PCDH15: variants seen among roughly 807,000 people sequenced by gnomAD.
PCDH15 encodes protocadherin-15.
Under a neutral mutation model 178.5 loss-of-function variants are expected in PCDH15, and 129 were observed. The observed-to-expected ratio is 0.72, with a 90% CI of 0.63 to 0.84. The LOEUF (loss-of-function observed/expected upper bound fraction) is 0.84, where lower values mean the gene tolerates loss of function less well. Among genes scored for constraint, PCDH15 ranks in the 40% least tolerant of loss-of-function variants. The pLI is 0.00. For synonymous variants in PCDH15, 800 were observed against 732.0 expected (o/e 1.09, Z -1.50); for missense variants, 2,230 against 2,099.9 (o/e 1.06, Z -1.21).
chr10:54,962,587 C>G (rs1564668124), intron 2 of PCDH15, among the ~76,000 whole-genome samples: 2 of 152,196 alleles, frequency 1.3e-5, no homozygotes, highest in African/African-American at 2.4e-5. Context: ...CATCTAGACA[C>G]AGCTGACAAC....
intron 8 of PCDH15, 51 bp from the exon 9 acceptor site, chr10:54,236,982 T>C: frequency 7.1e-7 from 1 of 1,412,362 alleles, no homozygotes; most frequent in Non-Finnish European, 1.0e-6. Flanking sequence ...TAATACTTCA[T>C]GAAGGATTGA....
At chr10:54,897,220 T>C (rs1475138893) in intron 3 of PCDH15, among the ~76,000 whole-genome samples, 1 of 152,314 alleles carries the variant, frequency 6.6e-6, no homozygotes, top group Middle Eastern at 3.4e-3. Context: ...AAACAATTAA[T>C]ACTGTACTTG....
At chr10:55,516,774 TA>T (rs1841022768) in intron 2 of PCDH15, among the ~76,000 whole-genome samples, 1 of 152,132 alleles carries the variant, frequency 6.6e-6, no homozygotes, top group African/African-American at 2.4e-5. Flanking sequence ...GACTGCAAGT[TA>T]AGCCAAAATT....
At chr10:55,158,472 G>A (rs779434401) in intron 2 of PCDH15, among the ~76,000 whole-genome samples, 8 of 151,938 alleles carry the variant, frequency 5.3e-5, no homozygotes, top group Non-Finnish European at 1.0e-4. Flanking sequence ...TGACCCAAAA[G>A]TTATTTCAGC....
At chr10:54,400,732 A>G (rs1951826011) in intron 3 of PCDH15, among the ~76,000 whole-genome samples, 1 of 152,086 alleles carries the variant, frequency 6.6e-6, no homozygotes, top group Admixed American at 6.6e-5. Flanking sequence ...CATGACAAAG[A>G]CGAGAGGAAA....
chr10:55,342,794 A>G (rs899088493), intron 2 of PCDH15, among the ~76,000 whole-genome samples: 2 of 152,172 alleles, frequency 1.3e-5, no homozygotes, highest in African/African-American at 4.8e-5. Flanking sequence ...TAAGCTGAGG[A>G]GGGCACATTT....
At position 54,122,002 on chromosome 10, in the gene PCDH15, T is replaced by TACAC. The variant is rs57135050; in HGVS notation, c.1917+10869_1917+10872dup. ...AATATCTAAACCGGGCAAAGACACA[T>TACAC]ACACACACACACACACACACACACA... On this transcript the variant is annotated intron_variant, in intron 15 of 37. Transcript: ENST00000644397. 1.7e-3 allele frequency among the ~76,000 whole-genome samples: 250 copies of TACAC among 146,498 alleles called. 1 individual carries two copies. Among genetic ancestry groups the TACAC allele is most frequent in the Middle Eastern group, 3.5e-3 (1 of 286 alleles).
chr10:54,528,701 A>G (rs375503803), intron 2 of PCDH15, among the ~76,000 whole-genome samples: 3 of 152,186 alleles, frequency 2.0e-5, no homozygotes, highest in African/African-American at 7.2e-5. Context: ...ACGAAAAGGT[A>G]AATACGAATT....
intron 2 of PCDH15, among the ~76,000 whole-genome samples, chr10:54,921,889 G>A (rs1198200750): frequency 6.6e-6 from 1 of 152,134 alleles, no homozygotes; most frequent in African/African-American, 2.4e-5. Context: ...AAGGCAAAAG[G>A]GAGGCAAGCA....
chr10:54,329,881 G>A (rs895045379), intron 6 of PCDH15, among the ~76,000 whole-genome samples, 175 bp from the exon 7 acceptor site: 1 of 151,764 alleles, frequency 6.6e-6, no homozygotes, highest in Non-Finnish European at 1.5e-5. Context: ...ATTTAATTTT[G>A]ATCAATGGGT....
chr10:54,822,105 A>G (rs1470011088), intron 3 of PCDH15, among the ~76,000 whole-genome samples: 1 of 152,306 alleles, frequency 6.6e-6, no homozygotes, highest in East Asian at 1.9e-4. Flanking sequence ...TGCAACAATC[A>G]ATAAGGGTAA....
intron 2 of PCDH15, among the ~76,000 whole-genome samples, chr10:54,658,411 A>T (rs181309409): frequency 3.0e-4 from 45 of 152,326 alleles, no homozygotes; most frequent in African/African-American, 1.0e-3. Flanking sequence ...ATGTAGTCCC[A>T]TTAGACTAAC....
At chr10:54,033,358 C>T (rs1488907858) in intron 18 of PCDH15, among the ~76,000 whole-genome samples, 1 of 151,716 alleles carries the variant, frequency 6.6e-6, no homozygotes, top group East Asian at 1.9e-4. Context: ...ATTATCCATG[C>T]TTTATACATA....
At chr10:55,266,676 T>C (rs1842305183) in intron 1 of PCDH15, among the ~76,000 whole-genome samples, 1 of 152,074 alleles carries the variant, frequency 6.6e-6, no homozygotes, top group Non-Finnish European at 1.5e-5. Flanking sequence ...CGCGAGTGGT[T>C]GAACATCAAG....
chr10:54,303,345 C>A (rs1036946380), intron 8 of PCDH15, among the ~76,000 whole-genome samples: 11 of 151,808 alleles, frequency 7.2e-5, no homozygotes, highest in Non-Finnish European at 1.2e-4. Flanking sequence ...AGAGGGTTCC[C>A]CAATTATCAC....
chr10:55,245,143 A>G (rs921468383), intron 1 of PCDH15, among the ~76,000 whole-genome samples: 5 of 152,128 alleles, frequency 3.3e-5, no homozygotes, highest in Non-Finnish European at 5.9e-5. Flanking sequence ...AGAGTGTATC[A>G]TGATGTGTAA....
Position 55,099,390 on chromosome 10 carries a change from C to T in PCDH15, c.-80+67186G>A, listed in dbSNP as rs577337083. 6.6e-5 allele frequency among the ~76,000 whole-genome samples: 10 copies of T among 152,072 alleles called. No individual in the cohort carries two copies. The East Asian group carries it at 1.9e-3, about 29-fold the overall frequency. On this transcript the variant is annotated intron_variant, in intron 2 of 5. Coordinates refer to the PCDH15 transcript ENST00000458638. Reference sequence around the variant, plus strand: ...ACTTGACTATCATAAGCTGCTACTACTAAAATACAATTACTAAAAGAAAAA... The same window carrying T: ...ACTTGACTATCATAAGCTGCTACTATTAAAATACAATTACTAAAAGAAAAA...
intron 3 of PCDH15, among the ~76,000 whole-genome samples, chr10:54,888,949 G>C (rs778739252): frequency 6.6e-6 from 1 of 151,614 alleles, no homozygotes; most frequent in Non-Finnish European, 1.5e-5. Context: ...AATACAATTA[G>C]AAATTGTTCT....
At chr10:54,197,855 A>G (rs985201806) in intron 10 of PCDH15, among the ~76,000 whole-genome samples, 2 of 152,212 alleles carry the variant, frequency 1.3e-5, no homozygotes, top group African/African-American at 4.8e-5. Context: ...ATGTGAAATT[A>G]TGCTAATTAA....
Sources: allele counts gnomAD v4.1 joint callset (sites outside exome capture counted in the v4.1 genomes callset), GRCh38; gene constraint gnomAD v4.1.1; transcripts MANE v1.5; gene names NCBI Gene and HGNC (gene_info 2026-07-23, HGNC 2026-07-21).